Variants in NBEA observed in about 807,000 individuals in gnomAD.
NBEA encodes lysosomal-trafficking regulator 2.
Under a neutral mutation model 343.4 loss-of-function variants are expected in NBEA, and 44 were observed. The observed-to-expected ratio is 0.13, with a 90% CI of 0.10 to 0.16. NBEA has a LOEUF of 0.16. Ranked by LOEUF, NBEA falls within the 10% of genes least tolerant of loss-of-function variation. NBEA has a pLI of 1.00. For missense variants in NBEA, 2,555 were observed against 3,631.3 expected (o/e 0.70, Z 7.62); for synonymous variants, 1,175 against 1,238.7 (o/e 0.95, Z 1.08).
chr13:35,578,954 G>A (rs1413438524), intron 45 of NBEA, among the ~76,000 whole-genome samples: 1 of 145,822 alleles, frequency 6.9e-6, no homozygotes, highest in Non-Finnish European at 1.5e-5. Context: ...TAACAATTTT[G>A]TACATGAAAT....
At chr13:35,636,511 A>G (rs930009242) in intron 49 of NBEA, among the ~76,000 whole-genome samples, 3 of 152,146 alleles carry the variant, frequency 2.0e-5, no homozygotes, top group Non-Finnish European at 4.4e-5. Flanking sequence ...AAACAAATCT[A>G]TTTCAGCTTT....
intron 34 of NBEA, among the ~76,000 whole-genome samples, chr13:35,256,409 C>T (rs2032596174): frequency 6.6e-6 from 1 of 152,090 alleles, no homozygotes; most frequent in Non-Finnish European, 1.5e-5. Context: ...CATAGACAGG[C>T]CTGAAAAAAT....
intron 40 of NBEA, among the ~76,000 whole-genome samples, chr13:35,454,155 A>C (rs1376463538): frequency 6.6e-6 from 1 of 152,120 alleles, no homozygotes; most frequent in Non-Finnish European, 1.5e-5. Context: ...CTACAAATAT[A>C]CTCTGAACCT....
chr13:35,464,119 T>G (rs2047049015), intron 40 of NBEA, among the ~76,000 whole-genome samples: 1 of 151,940 alleles, frequency 6.6e-6, no homozygotes, highest in South Asian at 2.1e-4. Context: ...TGAACTTTTC[T>G]AGAAAAAAAA....
At chr13:35,410,200 T>G (rs1453286284) in intron 38 of NBEA, among the ~76,000 whole-genome samples, 1 of 152,160 alleles carries the variant, frequency 6.6e-6, no homozygotes, top group Non-Finnish European at 1.5e-5. Flanking sequence ...TAAAATCCTA[T>G]CTTTCCTTCC....
chr13:35,379,020 ATATT>A (rs1256404738), intron 38 of NBEA, among the ~76,000 whole-genome samples: 3 of 151,876 alleles, frequency 2.0e-5, no homozygotes, highest in Non-Finnish European at 4.4e-5. Flanking sequence ...GTAACTGAAT[ATATT>A]TATTGTACAG....
intron 17 of NBEA, among the ~76,000 whole-genome samples, chr13:35,139,743 C>CATTTTT (rs1566350012): frequency 3.8e-4 from 21 of 55,144 alleles, no homozygotes. Flanking sequence ...TGATGGATGG[C>CATTTTT]GTTTTTTTTT....
intron 41 of NBEA, among the ~76,000 whole-genome samples, chr13:35,513,251 C>G (rs1023260981): frequency 2.7e-5 from 4 of 150,428 alleles, no homozygotes; most frequent in Non-Finnish European, 4.4e-5. Context: ...ATTCTCCTGC[C>G]TCAGCCTCCC....
intron 34 of NBEA, among the ~76,000 whole-genome samples, chr13:35,248,469 G>A (rs2031519979): frequency 6.6e-6 from 1 of 152,146 alleles, no homozygotes; most frequent in Admixed American, 6.5e-5. Context: ...GAACAAAGCT[G>A]GGGGACTCAC....
intron 18 of NBEA, among the ~76,000 whole-genome samples, chr13:35,151,543 CAAAA>C (rs35047334): frequency 2.1e-5 from 2 of 94,216 alleles, no homozygotes; most frequent in Non-Finnish European, 2.2e-5. Flanking sequence ...AACTCTGTCT[CAAAA>C]AAAAAAAAAA....
In NBEA at chr13:35,159,603, A is replaced by G. The variant is rs748920797; in HGVS notation, c.3432A>G (p.Thr1144=). The part of the protein sequence containing the change: ...DEKEDLPNSS[T]SFLFDKIPKQ... ...AAGAAGACCTTCCCAATAGTAGTAC[A>G]TCATTTCTCTTTGATAAAATACCCA... is the stretch of plus-strand genomic sequence containing the variant. The change falls in exon 22 of 59, where the codon ACA becomes ACG. Residue 1144 remains threonine (T), a synonymous_variant. Transcript: ENST00000379939. 4 of 1,611,878 alleles carry G rather than the reference A, an allele frequency of 2.5e-6. No individual in the cohort carries two copies. The South Asian group carries it at 4.4e-5, about 18-fold the overall frequency.
At chr13:35,616,751 A>T (rs933046295) in intron 48 of NBEA, among the ~76,000 whole-genome samples, 2 of 152,272 alleles carry the variant, frequency 1.3e-5, no homozygotes, top group African/African-American at 4.8e-5. Context: ...CTTATATTGC[A>T]CATAAATTAA....
intron 39 of NBEA, among the ~76,000 whole-genome samples, chr13:35,451,574 A>T (rs1164603011): frequency 6.6e-6 from 1 of 152,062 alleles, no homozygotes; most frequent in East Asian, 1.9e-4. Flanking sequence ...TCCAATGATC[A>T]TTTTTCCCCT....
chr13:35,166,833 T>C (rs957800384), intron 24 of NBEA, among the ~76,000 whole-genome samples: 2 of 152,056 alleles, frequency 1.3e-5, no homozygotes, highest in African/African-American at 4.8e-5. Flanking sequence ...TTAAACCGAA[T>C]ATTTGGGCTT....
intron 34 of NBEA, among the ~76,000 whole-genome samples, chr13:35,232,984 A>G (rs564947442): frequency 9.9e-5 from 15 of 152,144 alleles, no homozygotes; most frequent in African/African-American, 3.6e-4. Flanking sequence ...CCTTTAAGTG[A>G]TTTTTCTTAT....
intron 10 of NBEA, among the ~76,000 whole-genome samples, chr13:35,087,683 C>A (rs2064844907): frequency 6.6e-6 from 1 of 151,830 alleles, no homozygotes; most frequent in Non-Finnish European, 1.5e-5. Context: ...ATCAACATTA[C>A]AGCCCAAAAG....
chr13:35,475,272 C>G (rs1172313427), intron 41 of NBEA: 1 of 1,613,964 alleles, frequency 6.2e-7, no homozygotes, highest in East Asian at 2.2e-5. Flanking sequence ...CGTCCCAGTC[C>G]GACTCTCGGG....
chr13:35,442,738 C>T (rs563480625), intron 39 of NBEA, among the ~76,000 whole-genome samples: 1 of 152,088 alleles, frequency 6.6e-6, no homozygotes, highest in South Asian at 2.1e-4. Flanking sequence ...AATGAAATTC[C>T]GTTTTTGCTG....
At chr13:34,951,141 A>T (rs948544788) in intron 1 of NBEA, among the ~76,000 whole-genome samples, 1 of 152,180 alleles carries the variant, frequency 6.6e-6, no homozygotes, top group Non-Finnish European at 1.5e-5. Flanking sequence ...TTAGTTCTTT[A>T]GGCTAAGGAA....
Sources: allele counts gnomAD v4.1 joint callset (sites outside exome capture counted in the v4.1 genomes callset), GRCh38; gene constraint gnomAD v4.1.1; transcripts MANE v1.5; gene names NCBI Gene and HGNC (gene_info 2026-07-23, HGNC 2026-07-21).